ARB2A: variants seen among roughly 807,000 people sequenced by gnomAD.
The protein encoded by ARB2A is ARB2 cotranscriptional regulator A, also known as cotranscriptional regulator ARB2A.
the ARB2A span, among the ~76,000 whole-genome samples, chr5:93,844,404 A>G: frequency 6.6e-6 from 1 of 152,072 alleles, no homozygotes; most frequent in African/African-American, 2.4e-5. Context: ...AGATGGGACC[A>G]CTGCACTCCA....
the ARB2A span, among the ~76,000 whole-genome samples, chr5:93,920,742 T>C: frequency 6.6e-6 from 1 of 152,122 alleles, no homozygotes; most frequent in African/African-American, 2.4e-5. Flanking sequence ...AGATGCAGTA[T>C]AAAATCGTAA....
chr5:93,951,272 T>C, the ARB2A span, among the ~76,000 whole-genome samples: 1 of 152,182 alleles, frequency 6.6e-6, no homozygotes, highest in Non-Finnish European at 1.5e-5. Flanking sequence ...TTATTTCCCC[T>C]TCTGTGGGTT....
chr5:93,650,009 T>C, the ARB2A span, among the ~76,000 whole-genome samples: 2 of 152,050 alleles, frequency 1.3e-5, no homozygotes, highest in Non-Finnish European at 2.9e-5. Context: ...GTCCAACATA[T>C]AATAAGAACT....
chr5:94,017,874 T>G, the ARB2A span, among the ~76,000 whole-genome samples: 1 of 152,178 alleles, frequency 6.6e-6, no homozygotes, highest in Non-Finnish European at 1.5e-5. Flanking sequence ...TCCCACATGC[T>G]GTGGGAGGGA....
chr5:93,900,613 C>CA, the ARB2A span, among the ~76,000 whole-genome samples: 1,836 of 64,786 alleles, frequency 0.028, 25 homozygotes, highest in African/African-American at 0.064. Context: ...GACGCTGTCT[C>CA]AAAAAAAAAA....
the ARB2A span, among the ~76,000 whole-genome samples, chr5:94,059,618 C>CAAAAAAA: frequency 6.4e-5 from 4 of 62,768 alleles, no homozygotes; most frequent in Admixed American, 4.9e-4. Context: ...GAGACTGTCT[C>CAAAAAAA]AAAAAAAAAA....
the ARB2A span, among the ~76,000 whole-genome samples, chr5:94,067,665 A>G: frequency 6.6e-6 from 1 of 152,170 alleles, no homozygotes; most frequent in African/African-American, 2.4e-5. Flanking sequence ...CATTAATGAG[A>G]GAAATTGAAG....
chr5:93,935,388 A>G, the ARB2A span, among the ~76,000 whole-genome samples: 25 of 152,320 alleles, frequency 1.6e-4, no homozygotes, highest in Admixed American at 2.6e-4. Context: ...TTGAAGGTAG[A>G]TTTTGGGGGC....
chr5:94,041,372 T>G, the ARB2A span, among the ~76,000 whole-genome samples: 1 of 152,090 alleles, frequency 6.6e-6, no homozygotes, highest in African/African-American at 2.4e-5. Flanking sequence ...TGTAACCACG[T>G]GGCCGTGCTT....
chr5:94,046,436 G>A, the ARB2A span, among the ~76,000 whole-genome samples: 13 of 152,144 alleles, frequency 8.5e-5, no homozygotes, highest in African/African-American at 3.1e-4. Flanking sequence ...GGACAGGGAG[G>A]AGGGGGAACA....
At chr5:93,624,856 G>T in the ARB2A span, among the ~76,000 whole-genome samples, 1 of 152,042 alleles carries the variant, frequency 6.6e-6, no homozygotes, top group Admixed American at 6.5e-5. Flanking sequence ...TAATTATATG[G>T]ATTAGAATTT....
chr5:93,621,417 C>G, the ARB2A span, among the ~76,000 whole-genome samples: 1 of 152,210 alleles, frequency 6.6e-6, no homozygotes, highest in Non-Finnish European at 1.5e-5. Flanking sequence ...CTAGGCGTCT[C>G]CGGCCTCAGT....
chr5:93,757,271 A>G, the ARB2A span, among the ~76,000 whole-genome samples: 1 of 152,216 alleles, frequency 6.6e-6, no homozygotes, highest in Non-Finnish European at 1.5e-5. Context: ...TTCCTGAGGA[A>G]GAAGAGAATT....
At chr5:94,100,303 G>A in the ARB2A span, among the ~76,000 whole-genome samples, 1 of 152,012 alleles carries the variant, frequency 6.6e-6, no homozygotes, top group Non-Finnish European at 1.5e-5. Flanking sequence ...GCAAATAAAT[G>A]GAAAAACATC....
At chr5:93,643,979 G>C in the ARB2A span, among the ~76,000 whole-genome samples, 2 of 152,180 alleles carry the variant, frequency 1.3e-5, no homozygotes, top group Non-Finnish European at 2.9e-5. Context: ...TTTCAAAACA[G>C]GTAGTATTAT....
chr5:93,842,703 T>C, the ARB2A span, among the ~76,000 whole-genome samples: 2 of 152,120 alleles, frequency 1.3e-5, no homozygotes, highest in African/African-American at 4.8e-5. Flanking sequence ...CTCCAAAGCA[T>C]AGGGACAGGA....
chr5:93,764,342 C>T, the ARB2A span, among the ~76,000 whole-genome samples: 27 of 152,008 alleles, frequency 1.8e-4, no homozygotes, highest in African/African-American at 3.4e-4. Flanking sequence ...ATCAAATAGA[C>T]GCAATAAAAA....
chr5:93,655,815 C>T, the ARB2A span, among the ~76,000 whole-genome samples: 1 of 152,328 alleles, frequency 6.6e-6, no homozygotes, highest in African/African-American at 2.4e-5. Context: ...TGACAACACC[C>T]TTAGCTAAAG....
At chr5:93,875,808 A>G in the ARB2A span, among the ~76,000 whole-genome samples, 4 of 152,110 alleles carry the variant, frequency 2.6e-5, no homozygotes, top group Non-Finnish European at 5.9e-5. Context: ...GGCAAAAAAA[A>G]AAAAAGAGAC....
Sources: allele counts gnomAD v4.1 joint callset (sites outside exome capture counted in the v4.1 genomes callset), GRCh38; gene constraint gnomAD v4.1.1; transcripts MANE v1.5; gene names NCBI Gene and HGNC (gene_info 2026-07-23, HGNC 2026-07-21).